The following AFAP1L1 variants were observed in gnomAD, a reference collection of about 807,000 sequenced individuals.
AFAP1L1 encodes actin filament-associated protein 1-like 1.
A neutral mutation model predicts 99.8 loss-of-function variants in AFAP1L1; 77 were observed. The observed-to-expected ratio is 0.77, with a 90% CI of 0.64 to 0.93. The LOEUF is 0.93. Among genes scored for constraint, AFAP1L1 ranks in the 40% least tolerant of loss-of-function variants. AFAP1L1 has a pLI of 0.00. For missense variants in AFAP1L1, 893 were observed against 996.8 expected (o/e 0.90, Z 1.40); for synonymous variants, 373 against 395.3 (o/e 0.94, Z 0.67).
At chr5:149,311,659 C>G (rs1446553643) in intron 8 of AFAP1L1, among the ~76,000 whole-genome samples, 2 of 152,218 alleles carry the variant, frequency 1.3e-5, no homozygotes, top group Non-Finnish European at 2.9e-5. Flanking sequence ...ATAACTCCAG[C>G]TACCCTACAG....
chr5:149,327,844 AAG>A lies in AFAP1L1; in HGVS notation c.1811-1810_1811-1809del, dbSNP rs969046186. Among the ~76,000 whole-genome samples, 11 of 151,928 alleles carry A rather than the reference AAG, an allele frequency of 7.2e-5. No homozygotes were observed. In the East Asian group the frequency reaches 7.7e-4, roughly 11 times the overall value. ...TGTGTAGAGGGAGTACTAGAAGGAG[AAG>A]AGAGAGAGAGACAGACAGATGAGCA... On this transcript the variant is annotated intron_variant, in intron 15 of 18. Transcript: ENST00000296721.
At chr5:149,299,776 T>C in intron 2 of AFAP1L1, 139 bp downstream of exon 2, 1 of 1,349,986 alleles carries the variant, frequency 7.4e-7, no homozygotes, top group East Asian at 2.5e-5. Flanking sequence ...GGCTAAGCCC[T>C]GGACACAGCG....
intron 15 of AFAP1L1, among the ~76,000 whole-genome samples, chr5:149,327,683 G>A (rs1757135419): frequency 6.6e-6 from 1 of 152,038 alleles, no homozygotes; most frequent in African/African-American, 2.4e-5. Flanking sequence ...CAGTAAATTT[G>A]GCCTGGTAGA....
At chr5:149,307,856 C>CTCTCTCTCTCTCTCTG (rs1310196130) in intron 7 of AFAP1L1, among the ~76,000 whole-genome samples, 2 of 149,016 alleles carry the variant, frequency 1.3e-5, no homozygotes, top group Non-Finnish European at 3.0e-5. Flanking sequence ...CTCTCTCTCT[C>CTCTCTCTCTCTCTCTG]TTAAATTTAA....
chr5:149,306,375 C>A lies in AFAP1L1; in HGVS notation c.506C>A (p.Thr169Asn). 1 of 1,613,140 alleles carries A rather than the reference C, an allele frequency of 6.2e-7. No homozygotes were observed. Among genetic ancestry groups the A allele is most frequent in the Non-Finnish European group, 8.5e-7 (1 of 1,179,594 alleles). Reference sequence around the variant, plus strand: ...GACGCAGACAGCAGCTACCCTGCAACCAGGGTGAACGGCGAGCTTAAGAGC... The same window carrying A: ...GACGCAGACAGCAGCTACCCTGCAAACAGGGTGAACGGCGAGCTTAAGAGC... Reference protein sequence around the residue: ...YEDADSSYPATRVNGELKSSY... With the variant: ...YEDADSSYPANRVNGELKSSY... Residue 169 changes from threonine (T) to asparagine (N), a missense_variant, in exon 6 of 19, where the codon ACC becomes AAC. Transcript: ENST00000296721.
In AFAP1L1 at chr5:149,317,818, G is replaced by A. The variant is rs774201077; in HGVS notation, c.1357G>A (p.Asp453Asn). 1.9e-6 allele frequency: 3 copies of A among 1,613,296 alleles called. No individual in the cohort carries two copies. Among genetic ancestry groups the A allele is most frequent in the Non-Finnish European group, 8.5e-7 (1 of 1,179,772 alleles). Residue 453 changes from aspartate to asparagine, a missense_variant, in exon 12 of 19, where the codon GAC (aspartate) becomes AAC (asparagine). Transcript: ENST00000296721. ...TCTGTATTTCCACAAGGATCACATG[G>A]ACCTGCGAACCCATGTGAACGCCAT... The part of the protein sequence containing the change: ...NTLYFHKDHM[D>N]LRTHVNAIAL...
rs76791344 is a variant in AFAP1L1, at chr5:149,278,566, C to G, written c.16+6582C>G. Among the ~76,000 whole-genome samples, 520 of 152,316 alleles carry G rather than the reference C, an allele frequency of 3.4e-3. 5 individuals are homozygous for G. Among genetic ancestry groups the G allele is most frequent in the African/African-American group, 0.012 (486 of 41,568 alleles). ...CTCCAGGAAGCCTTTTCTGCCTTCT[C>G]CCTGCCCCATCCCAATGTTATAGGT... On this transcript the variant is annotated intron_variant, in intron 1 of 18. Transcript: ENST00000296721.
Position 149,316,573 on chromosome 5 carries a change from TCCCTGGG to T in AFAP1L1, c.1267+273_1267+279del, listed in dbSNP as rs536386321. 7.2e-5 allele frequency among the ~76,000 whole-genome samples: 11 copies of T among 152,306 alleles called. No homozygotes were observed. In the East Asian group the frequency reaches 2.1e-3, roughly 29 times the overall value. On this transcript the variant is annotated intron_variant, in intron 11 of 18. Coordinates refer to ENST00000296721, the MANE Select transcript of AFAP1L1 (RefSeq NM_152406.4). ...TGACCGTAGCCCAAATCACTGCCCA[TCCCTGGG>T]CCTCAGTTTCTCAGTTTCCTCCACG...
intron 1 of AFAP1L1, among the ~76,000 whole-genome samples, chr5:149,290,855 A>G (rs1755830137): frequency 6.6e-6 from 1 of 152,214 alleles, no homozygotes; most frequent in African/African-American, 2.4e-5. Context: ...TGCTCCAAGA[A>G]TTTATTGTTC....
chr5:149,307,875 G>A (rs1282526262), intron 7 of AFAP1L1, among the ~76,000 whole-genome samples: 2 of 84,612 alleles, frequency 2.4e-5, no homozygotes, highest in Non-Finnish European at 4.5e-5. Context: ...AAAGACCTGG[G>A]CTAGGCACGG....
chr5:149,306,956 G>C (rs1046814427), intron 6 of AFAP1L1, among the ~76,000 whole-genome samples: 1 of 152,184 alleles, frequency 6.6e-6, no homozygotes, highest in African/African-American at 2.4e-5. Flanking sequence ...AAGTGCAAAA[G>C]TAGGGGCCAG....
In AFAP1L1 at chr5:149,301,205, T is replaced by C. The variant is rs1171528656; in HGVS notation, c.302T>C (p.Leu101Pro). 2.5e-6 allele frequency: 4 copies of C among 1,614,024 alleles called. No individual in the cohort carries two copies. Among genetic ancestry groups the C allele is most frequent in the Non-Finnish European group, 3.4e-6 (4 of 1,179,942 alleles). The change falls in exon 4 of 19, where the codon CTA becomes CCA. Residue 101 changes from leucine to proline, a missense_variant. Leu to Pro is a moderately conservative substitution (Grantham distance 98). Coordinates refer to ENST00000296721, the MANE Select transcript of AFAP1L1 (RefSeq NM_152406.4). ...GEPSKGASPE[L>P]AKSPRLRNAA... ...CCCAGCAAAGGAGCCAGCCCTGAGC[T>C]AGCCAAGAGCCCACGCCTGAGAAAC...
Position 149,343,388 on chromosome 5 carries a change from C to A in AFAP1L1, c.*3358C>A, listed in dbSNP as rs940975116. Among the ~76,000 whole-genome samples, 1 of 152,050 alleles carries A rather than the reference C, an allele frequency of 6.6e-6. No homozygotes were observed. Among genetic ancestry groups the A allele is most frequent in the Non-Finnish European group, 1.5e-5 (1 of 68,014 alleles). On this transcript the variant is annotated 3_prime_UTR_variant, in exon 19 of 19. Transcript: ENST00000296721. ...GCTGGCAACTCCAAGTGCCCTGGAC[C>A]CCAGTCACCAATCCATCCTCTCAGT...
rs1377797553 is a variant in AFAP1L1, at chr5:149,320,051, C to T, written c.1625+324C>T. 6.6e-6 allele frequency among the ~76,000 whole-genome samples: 1 copy of T among 152,184 alleles called. No individual in the cohort carries two copies. The highest frequency in any genetic ancestry group is 1.9e-4 in the East Asian group (1 of 5,188). On this transcript the variant is annotated intron_variant, in intron 13 of 18. Transcript: ENST00000296721. This position sits in a 1 kb window ranked among gnomAD's most constrained non-coding sequence, Gnocchi z 4.0. ...GCATGGGCACGTGGCTAGTATATGG[C>T]ATTTGGTACTAGAAGAGCCAAGTTC... is the stretch of plus-strand genomic sequence containing the variant.
chr5:149,279,194 G>A (rs1343758723), intron 1 of AFAP1L1, among the ~76,000 whole-genome samples: 1 of 152,216 alleles, frequency 6.6e-6, no homozygotes, highest in Non-Finnish European at 1.5e-5. Flanking sequence ...TCGTTGTCCT[G>A]TAGAAGAGGT....
Position 149,312,153 on chromosome 5 carries a change from A to G in AFAP1L1, c.969A>G (p.Gly323=). The G allele has an allele frequency of 6.2e-7, 1 of 1,614,054 alleles. No homozygotes were observed. The highest frequency in any genetic ancestry group is 8.5e-7 in the Non-Finnish European group (1 of 1,180,024). ...GCAAGCCAGTTGGGGGAGCTGAGGG[A>G]GTGGAGGTCCCCAGATCCCCAGTCC... ...EVSKPVGGAE[G]VEVPRSPVLL... is the part of the protein sequence containing the mutation. Residue 323 remains glycine (G), a synonymous_variant, in exon 9 of 19, where the codon GGA becomes GGG. Transcript: ENST00000296721.
intron 1 of AFAP1L1, among the ~76,000 whole-genome samples, chr5:149,296,355 A>G (rs1466792646): frequency 6.6e-6 from 1 of 152,230 alleles, no homozygotes; most frequent in East Asian, 1.9e-4. Flanking sequence ...AAAAGTATAA[A>G]AAGACCCTGA....
Position 149,302,443 on chromosome 5 carries a change from C to G in AFAP1L1, c.353C>G (p.Pro118Arg), listed in dbSNP as rs776465096. The G allele has an allele frequency of 1.3e-5, 20 of 1,593,652 alleles. No individual in the cohort carries two copies. Among genetic ancestry groups the G allele is most frequent in the Middle Eastern group, 1.7e-4 (1 of 6,046 alleles). The change falls in exon 5 of 19, where the codon CCC becomes CGC. Residue 118 changes from proline to arginine, a missense_variant. By Grantham distance (103) the Pro-to-Arg change is moderately radical. Transcript: ENST00000296721. ...GCGGCCGACCTGCCTCCACCGCTCC[C>G]CAACAAGCCTCCCCCTGAGGACTAC... is the stretch of plus-strand genomic sequence containing the variant. The part of the protein sequence containing the change: ...RNAADLPPPL[P>R]NKPPPEDYYE...
intron 1 of AFAP1L1, among the ~76,000 whole-genome samples, chr5:149,294,110 T>G (rs1419842029): frequency 6.6e-6 from 1 of 152,200 alleles, no homozygotes; most frequent in Non-Finnish European, 1.5e-5. Context: ...TTATGTCCTC[T>G]GTAGCATATT....
Sources: allele counts gnomAD v4.1 joint callset (sites outside exome capture counted in the v4.1 genomes callset), GRCh38; gene constraint gnomAD v4.1.1; non-coding constraint Gnocchi (gnomAD v3.1); transcripts MANE v1.5; gene names NCBI Gene and HGNC (gene_info 2026-07-23, HGNC 2026-07-21).